Variants in DCC observed in about 807,000 individuals in gnomAD.
DCC encodes the protein netrin receptor DCC.
DCC carries 58 observed loss-of-function variants against 172.5 expected under a neutral mutation model. The observed-to-expected ratio is 0.34, with a 90% CI of 0.27 to 0.42. The LOEUF (loss-of-function observed/expected upper bound fraction) is 0.42, where lower values mean the gene tolerates loss of function less well. Among genes scored for constraint, DCC ranks in the 10% least tolerant of loss-of-function variants. DCC has a pLI of 1.00. For missense variants in DCC, 1,740 were observed against 1,791.0 expected (o/e 0.97, Z 0.51); for synonymous variants, 709 against 644.5 (o/e 1.10, Z -1.52).
At chr18:52,759,020 A>C (rs1008388982) in intron 2 of DCC, 3 of 152,202 alleles carry the variant, frequency 2.0e-5, no homozygotes, top group African/African-American at 4.8e-5. Flanking sequence ...CATTTAGCTA[A>C]ATGTTCCCAT....
chr18:52,831,765 A>G (rs2038617851), intron 2 of DCC, among the ~76,000 whole-genome samples: 1 of 152,146 alleles, frequency 6.6e-6, no homozygotes. Context: ...TTGCCTTGGC[A>G]GATAATATAC....
intron 12 of DCC, among the ~76,000 whole-genome samples, chr18:53,247,988 C>T (rs554392124): frequency 1.2e-4 from 19 of 152,030 alleles, no homozygotes; most frequent in African/African-American, 4.6e-4. Context: ...ACATGTCAAC[C>T]CATTAACTGC....
chr18:53,355,100 T>C (rs1020935705), intron 15 of DCC, among the ~76,000 whole-genome samples: 2 of 152,144 alleles, frequency 1.3e-5, no homozygotes, highest in African/African-American at 4.8e-5. Context: ...TGTGGTATTA[T>C]TTCTGAGGGC....
chr18:53,346,280 T>C (rs977530374), intron 15 of DCC, among the ~76,000 whole-genome samples: 9 of 152,202 alleles, frequency 5.9e-5, no homozygotes, highest in African/African-American at 1.9e-4. Context: ...TAGTCATTTT[T>C]TACTATATCT....
intron 2 of DCC, among the ~76,000 whole-genome samples, chr18:52,858,409 A>G (rs1463975602): frequency 6.6e-6 from 1 of 152,148 alleles, no homozygotes; most frequent in African/African-American, 2.4e-5. Flanking sequence ...AGTTAGGAGG[A>G]GATTTTATTT....
At chr18:53,052,007 G>A (rs1204513204) in intron 5 of DCC, among the ~76,000 whole-genome samples, 1 of 148,826 alleles carries the variant, frequency 6.7e-6, no homozygotes, top group African/African-American at 2.5e-5. Context: ...CTTTTTTTTT[G>A]TACAAACTCA....
chr18:52,568,611 T>G (rs1339318009), intron 1 of DCC, among the ~76,000 whole-genome samples: 1 of 150,856 alleles, frequency 6.6e-6, no homozygotes, highest in Non-Finnish European at 1.5e-5. Context: ...TTATTTTTTT[T>G]CATAACTTGG....
At position 52,453,725 on chromosome 18, in the gene DCC, G is replaced by A. The variant is rs543287355; in HGVS notation, c.91+112847G>A. 2.6e-5 allele frequency among the ~76,000 whole-genome samples: 4 copies of A among 152,100 alleles called. No individual in the cohort carries two copies. The East Asian group carries it at 7.7e-4, about 29-fold the overall frequency. On this transcript the variant is annotated intron_variant, in intron 1 of 28. Transcript: ENST00000442544. ...CAAATACTGACTAAATTTCACATACGAGATTTTTTTCCTCTAACATCTTGC... is the reference window on the plus strand; with the variant it reads ...CAAATACTGACTAAATTTCACATACAAGATTTTTTTCCTCTAACATCTTGC...
intron 5 of DCC, among the ~76,000 whole-genome samples, chr18:53,036,604 A>G (rs1022217460): frequency 4.6e-5 from 7 of 152,116 alleles, no homozygotes; most frequent in East Asian, 1.9e-4. Context: ...TGTGATTTCA[A>G]CATATATCAT....
At chr18:52,566,014 A>G (rs1283728371) in intron 1 of DCC, among the ~76,000 whole-genome samples, 1 of 152,142 alleles carries the variant, frequency 6.6e-6, no homozygotes, top group East Asian at 1.9e-4. Context: ...TAGCATTTGT[A>G]TAAGGTATAA....
intron 1 of DCC, among the ~76,000 whole-genome samples, chr18:52,530,298 G>A (rs989745839): frequency 5.9e-5 from 9 of 152,134 alleles, no homozygotes; most frequent in African/African-American, 2.2e-4. Context: ...GGAGCTGTAT[G>A]AGGCTGACAG....
chr18:53,234,276 A>G (rs1231189504), intron 12 of DCC, among the ~76,000 whole-genome samples: 1 of 151,816 alleles, frequency 6.6e-6, no homozygotes, highest in African/African-American at 2.4e-5. Flanking sequence ...AAAAAATACA[A>G]AAATTAGCCG....
At chr18:52,579,633 C>T (rs1344308706) in intron 1 of DCC, among the ~76,000 whole-genome samples, 2 of 152,170 alleles carry the variant, frequency 1.3e-5, no homozygotes, top group African/African-American at 4.8e-5. Flanking sequence ...GAAACCAAGG[C>T]TCAAGGTTAA....
chr18:52,819,345 G>A (rs2038362170), intron 2 of DCC, among the ~76,000 whole-genome samples: 1 of 152,160 alleles, frequency 6.6e-6, no homozygotes, highest in African/African-American at 2.4e-5. Flanking sequence ...CAATTATAAA[G>A]ATTGTGCCTA....
At chr18:52,756,373 A>G (rs2037076105) in intron 2 of DCC, among the ~76,000 whole-genome samples, 1 of 152,138 alleles carries the variant, frequency 6.6e-6, no homozygotes, top group Non-Finnish European at 1.5e-5. Context: ...TATGCCATAT[A>G]AAGAGAGCTT....
chr18:52,406,022 T>C (rs1033690673), intron 1 of DCC, among the ~76,000 whole-genome samples: 5 of 146,920 alleles, frequency 3.4e-5, no homozygotes, highest in Non-Finnish European at 7.6e-5. Flanking sequence ...ACGCCGCATA[T>C]CTACAACTAT....
rs73457554 is a variant in DCC, at chr18:53,132,880, T to A, written c.1262-24476T>A. Among the ~76,000 whole-genome samples, 240 of 152,320 alleles carry A rather than the reference T, an allele frequency of 1.6e-3. 2 individuals are homozygous for A. Among genetic ancestry groups the A allele is most frequent in the African/African-American group, 5.7e-3 (236 of 41,582 alleles). ...AACAGGTTATTCATGTGAGACTTCATTTCCTTTAATGGATCTGGGACAAAA... is the reference window on the plus strand; with the variant it reads ...AACAGGTTATTCATGTGAGACTTCAATTCCTTTAATGGATCTGGGACAAAA... On this transcript the variant is annotated intron_variant, in intron 7 of 28. Transcript: ENST00000442544.
intron 2 of DCC, among the ~76,000 whole-genome samples, chr18:52,830,036 C>T (rs971843417): frequency 2.6e-5 from 4 of 152,018 alleles, no homozygotes; most frequent in African/African-American, 9.7e-5. Flanking sequence ...CCAGAAAGAG[C>T]CAGCAGGTAC....
At chr18:52,813,265 C>G (rs1381051553) in intron 2 of DCC, among the ~76,000 whole-genome samples, 1 of 82,650 alleles carries the variant, frequency 1.2e-5, no homozygotes, top group African/African-American at 5.7e-5. Flanking sequence ...GAATATGAAT[C>G]CACATTTTTG....
Sources: allele counts gnomAD v4.1 joint callset (sites outside exome capture counted in the v4.1 genomes callset), GRCh38; gene constraint gnomAD v4.1.1; transcripts MANE v1.5; gene names NCBI Gene and HGNC (gene_info 2026-07-23, HGNC 2026-07-21).